RTN4R: variants seen among roughly 807,000 people sequenced by gnomAD.
RTN4R encodes the protein reticulon-4 receptor.
RTN4R carries 4 observed loss-of-function variants against 27.7 expected under a neutral mutation model. The ratio of observed to expected loss-of-function variants is 0.14; its 90% CI spans 0.07 to 0.33. The LOEUF (loss-of-function observed/expected upper bound fraction) is 0.33, where lower values mean the gene tolerates loss of function less well. Among genes scored for constraint, RTN4R ranks in the 10% least tolerant of loss-of-function variants. The pLI, the probability that RTN4R is intolerant of heterozygous loss-of-function variation, is 1.00. For missense variants in RTN4R, 554 were observed against 671.5 expected, an observed-to-expected ratio of 0.83 and a Z score of 1.93; for synonymous variants, 290 against 305.6, an observed-to-expected ratio of 0.95 and a Z score of 0.53.
At chr22:20,252,387 C>T (rs1280740500) in intron 1 of RTN4R, among the ~76,000 whole-genome samples, 3 of 152,216 alleles carry the variant, frequency 2.0e-5, no homozygotes, top group Non-Finnish European at 2.9e-5. Flanking sequence ...ATGAGGGCCC[C>T]TCGCCTCCCT....
chr22:20,250,854 T>TGC (rs2051172049), intron 1 of RTN4R, among the ~76,000 whole-genome samples: 1 of 135,622 alleles, frequency 7.4e-6, no homozygotes, highest in Non-Finnish European at 1.7e-5. Flanking sequence ...CACACATGCA[T>TGC]GCACACACAC....
intron 1 of RTN4R, among the ~76,000 whole-genome samples, chr22:20,253,998 A>G (rs1475674322): frequency 6.6e-6 from 1 of 152,160 alleles, no homozygotes; most frequent in African/African-American, 2.4e-5. Flanking sequence ...AAAACTGAGA[A>G]AAGCTAGCAA....
At chr22:20,247,921 C>T (rs1006167330) in intron 1 of RTN4R, among the ~76,000 whole-genome samples, 1 of 152,186 alleles carries the variant, frequency 6.6e-6, no homozygotes, top group Non-Finnish European at 1.5e-5. Flanking sequence ...GTGCCTAGTG[C>T]TTCCTCAGCC....
chr22:20,247,194 G>C (rs559204442), intron 1 of RTN4R, among the ~76,000 whole-genome samples: 2 of 152,260 alleles, frequency 1.3e-5, no homozygotes, highest in South Asian at 4.1e-4. Context: ...TGGGGTAAGA[G>C]GCTGCAGAGG....
chr22:20,266,134 C>T (rs2051275449), intron 1 of RTN4R, among the ~76,000 whole-genome samples: 1 of 152,212 alleles, frequency 6.6e-6, no homozygotes, highest in Admixed American at 6.5e-5. Context: ...GGGAACAGTA[C>T]CCCCTTTATA....
At chr22:20,261,556 CAG>C (rs1408472346) in intron 1 of RTN4R, among the ~76,000 whole-genome samples, 2 of 152,224 alleles carry the variant, frequency 1.3e-5, no homozygotes, top group African/African-American at 2.4e-5. Flanking sequence ...CCGGGGGAAA[CAG>C]AGCAACCCTT....
At chr22:20,251,943 A>AT (rs1569038397) in intron 1 of RTN4R, among the ~76,000 whole-genome samples, 1 of 606 alleles carries the variant, frequency 1.7e-3, no homozygotes, top group Non-Finnish European at 3.3e-3. Context: ...CCAGGCGACC[A>AT]GAGCAGCACC....
At chr22:20,259,145 G>A (rs1369292443) in intron 1 of RTN4R, among the ~76,000 whole-genome samples, 1 of 152,148 alleles carries the variant, frequency 6.6e-6, no homozygotes, top group Non-Finnish European at 1.5e-5. Flanking sequence ...CACAAAGGGA[G>A]GTTGGTGCCC....
At position 20,242,536 on chromosome 22, in the gene RTN4R, A is replaced by G; in HGVS notation, c.597T>C (p.Arg199=). Residue 199 remains arginine, a synonymous_variant, in exon 2 of 2, where the codon CGT becomes CGC. Transcript: ENST00000043402. ...GGAGACGGTCGAGGCTGTGCAGCCCACGGAAGGCGCGCTCGGGCACGCTGG... is the reference window on the plus strand; with the variant it reads ...GGAGACGGTCGAGGCTGTGCAGCCCGCGGAAGGCGCGCTCGGGCACGCTGG... ...RISSVPERAF[R]GLHSLDRLLL... The G allele has an allele frequency of 6.2e-7, 1 of 1,613,596 alleles. No homozygotes were observed. Among genetic ancestry groups the G allele is most frequent in the Non-Finnish European group, 8.5e-7 (1 of 1,179,970 alleles).
chr22:20,263,100 T>G (rs916260044), intron 1 of RTN4R, among the ~76,000 whole-genome samples: 50 of 152,172 alleles, frequency 3.3e-4, no homozygotes, highest in Non-Finnish European at 7.1e-4. Context: ...TGCAAAGAAA[T>G]AGAGTCATAA....
intron 1 of RTN4R, among the ~76,000 whole-genome samples, chr22:20,260,720 C>T (rs958982125): frequency 1.3e-5 from 2 of 151,966 alleles, no homozygotes; most frequent in African/African-American, 2.4e-5. Context: ...CAGTCAGGGA[C>T]GAGGCATCCT....
chr22:20,266,965 CTG>C (rs2051281181), intron 1 of RTN4R, among the ~76,000 whole-genome samples: 1 of 152,270 alleles, frequency 6.6e-6, no homozygotes, highest in South Asian at 2.1e-4. Flanking sequence ...TTGCCCCTGT[CTG>C]TGGGCCTGGC....
chr22:20,257,017 G>C (rs1227892704), intron 1 of RTN4R, among the ~76,000 whole-genome samples: 3 of 152,212 alleles, frequency 2.0e-5, no homozygotes, highest in Admixed American at 6.5e-5. Context: ...TGGGCTTTGG[G>C]CTCCACAGGG....
chr22:20,267,802 A>C, intron 1 of RTN4R: 1 of 363,998 alleles, frequency 2.7e-6, no homozygotes, highest in Non-Finnish European at 5.3e-6. Context: ...AGCATCGGGG[A>C]CCCTCGGACC....
At chr22:20,260,834 C>T (rs2051241912) in intron 1 of RTN4R, among the ~76,000 whole-genome samples, 1 of 152,176 alleles carries the variant, frequency 6.6e-6, no homozygotes, top group African/African-American at 2.4e-5. Context: ...GTGCAGAGGT[C>T]CTGCGGCAGA....
chr22:20,266,258 ACT>A (rs1314708693), intron 1 of RTN4R, among the ~76,000 whole-genome samples: 1 of 152,088 alleles, frequency 6.6e-6, no homozygotes, highest in Non-Finnish European at 1.5e-5. Context: ...GCTGGTCCCC[ACT>A]CTATAGATGA....
chr22:20,241,800 C>T lies in RTN4R; in HGVS notation c.1333G>A (p.Glu445Lys). 6.4e-7 allele frequency: 1 copy of T among 1,569,720 alleles called. No homozygotes were observed. Among genetic ancestry groups the T allele is most frequent in the Non-Finnish European group, 8.6e-7 (1 of 1,158,006 alleles). ...GSGGGGTGDSEGSGALPSLTC... is the reference protein window; with the variant it reads ...GSGGGGTGDSKGSGALPSLTC... ...AGGCTGGGTAGGGCACCTGAGCCTT[C>T]TGAGTCACCAGTCCCGCCACCCCCG... Residue 445 changes from glutamate to lysine, a missense_variant, in exon 2 of 2, where the codon GAA becomes AAA. Coordinates refer to ENST00000043402, the MANE Select transcript of RTN4R (RefSeq NM_023004.6).
Position 20,268,296 on chromosome 22 carries a change from CG to C in RTN4R, c.-205del, listed in dbSNP as rs2051292670. The stretch of plus-strand genomic sequence containing the variant: ...CGCAGGGCGCGCAGGGCGCACAGGG[CG>C]AGGGCGGCGGCGGCGCGGGGGTTGG... On this transcript the variant is annotated 5_prime_UTR_variant, in exon 1 of 2. Transcript: ENST00000043402. 20 of 1,074 alleles carry C rather than the reference CG, an allele frequency of 0.019. No individual in the cohort carries two copies. Among genetic ancestry groups the C allele is most frequent in the East Asian group, 0.056 (1 of 18 alleles). The allele number at this position is 1,074 out of a possible 1,614,324, so 0.1% of individuals were successfully genotyped here.
chr22:20,255,849 C>T lies in RTN4R; in HGVS notation c.22+12222G>A, dbSNP rs1392889744. ...TGCAGCCCCCAGCCTCCTTTCTGAC[C>T]GTGCACACGGGCTTCTCTCAGCTGC... On this transcript the variant is annotated intron_variant, in intron 1 of 1. Transcript: ENST00000043402. This position sits in a 1 kb window ranked among gnomAD's most constrained non-coding sequence, Gnocchi z 4.8. 1.3e-5 allele frequency among the ~76,000 whole-genome samples: 2 copies of T among 152,224 alleles called. No individual in the cohort carries two copies. Among genetic ancestry groups the T allele is most frequent in the Non-Finnish European group, 2.9e-5 (2 of 68,042 alleles).
Sources: allele counts gnomAD v4.1 joint callset (sites outside exome capture counted in the v4.1 genomes callset), GRCh38; gene constraint gnomAD v4.1.1; non-coding constraint Gnocchi (gnomAD v3.1); transcripts MANE v1.5; gene names NCBI Gene and HGNC (gene_info 2026-07-23, HGNC 2026-07-21).